The following NTM variants were observed in gnomAD, a reference collection of about 807,000 sequenced individuals.
NTM encodes neurotrimin.
Under a neutral mutation model 42.1 loss-of-function variants are expected in NTM, and 13 were observed. The ratio of observed to expected loss-of-function variants is 0.31; its 90% CI spans 0.20 to 0.49. NTM has a LOEUF of 0.49. NTM is among the 20% of genes least tolerant of loss of function. The probability of loss-of-function intolerance (pLI) is 0.99; values close to 1 mark genes in which losing one functional copy is unlikely to be tolerated. For synonymous variants in NTM, 187 were observed against 179.2 expected (o/e 1.04, Z -0.35); for missense variants, 373 against 452.8 (o/e 0.82, Z 1.60).
At chr11:131,883,799 T>C (rs891926749) in intron 1 of NTM, among the ~76,000 whole-genome samples, 1 of 152,106 alleles carries the variant, frequency 6.6e-6, no homozygotes, top group African/African-American at 2.4e-5. Flanking sequence ...CAAGGTAAAC[T>C]TCACTCCCCT....
At chr11:132,206,746 CT>C (rs2082046674) in intron 3 of NTM, among the ~76,000 whole-genome samples, 1 of 152,198 alleles carries the variant, frequency 6.6e-6, no homozygotes, top group Non-Finnish European at 1.5e-5. Context: ...AACAGCTTCA[CT>C]TTTTCTGCCT....
At chr11:131,796,883 G>T (rs922776247) in intron 1 of NTM, among the ~76,000 whole-genome samples, 2 of 152,160 alleles carry the variant, frequency 1.3e-5, no homozygotes, top group Non-Finnish European at 2.9e-5. Context: ...ACAAGTCAGT[G>T]TAGGAGTTGC....
chr11:132,194,022 A>G (rs193016653), intron 3 of NTM, among the ~76,000 whole-genome samples: 1 of 152,262 alleles, frequency 6.6e-6, no homozygotes, highest in East Asian at 1.9e-4. Context: ...TTCACAGTCA[A>G]ATTTTACCAG....
intron 1 of NTM, among the ~76,000 whole-genome samples, chr11:131,708,089 A>G (rs1360035961): frequency 1.3e-5 from 2 of 152,210 alleles, no homozygotes; most frequent in Non-Finnish European, 2.9e-5. Context: ...CACAAAATCA[A>G]CATACAAAAA....
At chr11:131,486,236 G>T (rs1258715876) in intron 1 of NTM, among the ~76,000 whole-genome samples, 1 of 152,140 alleles carries the variant, frequency 6.6e-6, no homozygotes, top group Non-Finnish European at 1.5e-5. Context: ...AACTTGGCAG[G>T]GAGTTGAGTG....
rs752393866 is a variant in NTM at position 131,440,252 on chromosome 11, A to T, written c.82+69364A>T. On this transcript the variant is annotated intron_variant, in intron 1 of 8. Transcript: ENST00000683400. ...TCTTTATTATTCTCTGCTTATTGTTATTTATTTATTTTTCTGTTGAGAGGT... is the reference window on the plus strand; with the variant it reads ...TCTTTATTATTCTCTGCTTATTGTTTTTTATTTATTTTTCTGTTGAGAGGT... 4.2e-4 allele frequency among the ~76,000 whole-genome samples: 63 copies of T among 151,652 alleles called. 1 individual carries two copies. Among genetic ancestry groups the T allele is most frequent in the Non-Finnish European group, 6.2e-4 (42 of 67,926 alleles).
chr11:131,825,632 G>A (rs576168234), intron 1 of NTM, among the ~76,000 whole-genome samples: 6 of 152,246 alleles, frequency 3.9e-5, no homozygotes, highest in East Asian at 1.9e-4. Context: ...GCAGCCATTC[G>A]GGTGAGAAAT....
intron 1 of NTM, among the ~76,000 whole-genome samples, chr11:131,525,115 A>C (rs1246828450): frequency 2.0e-5 from 3 of 152,116 alleles, no homozygotes; most frequent in African/African-American, 4.8e-5. Context: ...TCTACGCTTA[A>C]TCTTGAATGT....
chr11:131,733,898 A>G (rs1047527049), intron 1 of NTM, among the ~76,000 whole-genome samples: 2 of 152,184 alleles, frequency 1.3e-5, no homozygotes, highest in African/African-American at 4.8e-5. Context: ...TAATTTTTTA[A>G]CATTACCATA....
chr11:132,291,463 T>C (rs929895771), intron 4 of NTM, among the ~76,000 whole-genome samples: 1 of 152,190 alleles, frequency 6.6e-6, no homozygotes, highest in Non-Finnish European at 1.5e-5. Flanking sequence ...ATGTCAAATG[T>C]GGGATGCCTA....
chr11:131,723,209 G>A (rs770067170), intron 1 of NTM, among the ~76,000 whole-genome samples: 1 of 152,206 alleles, frequency 6.6e-6, no homozygotes, highest in Non-Finnish European at 1.5e-5. Context: ...ACATCATCCA[G>A]TGGTGTTTTA....
chr11:131,642,389 G>A (rs1284171754), intron 1 of NTM, among the ~76,000 whole-genome samples: 1 of 152,136 alleles, frequency 6.6e-6, no homozygotes, highest in Non-Finnish European at 1.5e-5. Context: ...TGGGGAAGTG[G>A]GAGAAGCAAC....
chr11:132,248,536 G>C (rs746098759), intron 4 of NTM, among the ~76,000 whole-genome samples: 1 of 152,082 alleles, frequency 6.6e-6, no homozygotes, highest in Non-Finnish European at 1.5e-5. Context: ...GTGGTCCCTG[G>C]TCTCACCTAG....
chr11:131,418,224 G>A (rs865891703), intron 1 of NTM, among the ~76,000 whole-genome samples: 1 of 152,180 alleles, frequency 6.6e-6, no homozygotes, highest in African/African-American at 2.4e-5. Flanking sequence ...TTTTGAATGG[G>A]ATTCAGAGCT....
At chr11:131,480,695 A>C (rs1953478414) in intron 1 of NTM, among the ~76,000 whole-genome samples, 1 of 151,684 alleles carries the variant, frequency 6.6e-6, no homozygotes, top group Non-Finnish European at 1.5e-5. Context: ...AAAGTCAGAA[A>C]GGGCATCTAG....
At position 131,425,392 on chromosome 11, in the gene NTM, A is replaced by C. The variant is rs139980918; in HGVS notation, c.82+54504A>C. Among the ~76,000 whole-genome samples the C allele has an allele frequency of 1.1e-4, 17 of 152,288 alleles. No individual in the cohort carries two copies. In the East Asian group the frequency reaches 3.3e-3, roughly 29 times the overall value. On this transcript the variant is annotated intron_variant, in intron 1 of 8. Coordinates refer to ENST00000683400, the MANE Select transcript of NTM (RefSeq NM_001352005.2). ...GGCTTCAGGTGCCTCAATCAATAGC[A>C]GCTCTTTGATGTTAAGGCTCAAAGA...
rs1411100527 is a variant in NTM at position 131,421,949 on chromosome 11, T to C, written c.82+51061T>C. Among the ~76,000 whole-genome samples the C allele has an allele frequency of 5.9e-5, 9 of 152,206 alleles. No individual in the cohort carries two copies. The East Asian group carries it at 1.5e-3, about 26-fold the overall frequency. On this transcript the variant is annotated intron_variant, in intron 1 of 8. Transcript: ENST00000683400. ...GGGGGATTTACATGCTCTCTGGAGA[T>C]ATTAACTGTTCTGATGTCCTGTGAG... is the stretch of plus-strand genomic sequence containing the variant.
chr11:131,707,733 T>C (rs1279573302), intron 1 of NTM, among the ~76,000 whole-genome samples: 2 of 152,104 alleles, frequency 1.3e-5, no homozygotes, highest in Non-Finnish European at 2.9e-5. Context: ...ATCTCTTCAT[T>C]AGAAAAACCT....
intron 1 of NTM, among the ~76,000 whole-genome samples, chr11:131,425,626 G>A (rs774413055): frequency 6.6e-6 from 1 of 152,176 alleles, no homozygotes; most frequent in Non-Finnish European, 1.5e-5. Context: ...CATAGTGTCA[G>A]TAGTGCCTTT....
Sources: allele counts gnomAD v4.1 joint callset (sites outside exome capture counted in the v4.1 genomes callset), GRCh38; gene constraint gnomAD v4.1.1; transcripts MANE v1.5; gene names NCBI Gene and HGNC (gene_info 2026-07-23, HGNC 2026-07-21).